Variants in STXBP5L observed in about 807,000 individuals in gnomAD.
STXBP5L encodes the protein syntaxin-binding protein 5-like.
Under a neutral mutation model 144.5 loss-of-function variants are expected in STXBP5L, and 65 were observed. The observed-to-expected ratio is 0.45, with a 90% CI of 0.37 to 0.55. The LOEUF (loss-of-function observed/expected upper bound fraction) is 0.55. Ranked by LOEUF, STXBP5L falls within the 20% of genes least tolerant of loss-of-function variation. The pLI is 0.00. For missense variants in STXBP5L, 1,298 were observed against 1,405.5 expected (o/e 0.92, Z 1.22); for synonymous variants, 505 against 469.6 (o/e 1.08, Z -0.97).
At chr3:120,940,607 G>A (rs932916032) in intron 2 of STXBP5L, among the ~76,000 whole-genome samples, 6 of 149,580 alleles carry the variant, frequency 4.0e-5, no homozygotes, top group Admixed American at 6.8e-5. Context: ...GTAAAATCAC[G>A]TAAGAAGATG....
In STXBP5L at chr3:121,001,894, C is replaced by A. The variant is rs138219271; in HGVS notation, c.288-39806C>A. 5.1e-3 allele frequency among the ~76,000 whole-genome samples: 778 copies of A among 152,306 alleles called. 3 individuals are homozygous for A. The highest frequency in any genetic ancestry group is 0.023 in the South Asian group (110 of 4,830). On this transcript the variant is annotated intron_variant, in intron 3 of 26. Transcript: ENST00000471454. ...TAGTCAGCCATCTTGGCTCTTTCCT[C>A]TTTTTCAAGGCCGAATAATATTCTA...
rs142197648 is a variant in STXBP5L, at chr3:121,333,716, C to T, written c.2176+15176C>T. Among the ~76,000 whole-genome samples the T allele has an allele frequency of 2.9e-4, 44 of 152,124 alleles. No individual in the cohort carries two copies. The East Asian group carries it at 8.3e-3, about 29-fold the overall frequency. ...GGTTACCACTGACCCCAAAGAAATACAAGTAACCAGCAGGGACTACTATAA... is the reference window on the plus strand; with the variant it reads ...GGTTACCACTGACCCCAAAGAAATATAAGTAACCAGCAGGGACTACTATAA... On this transcript the variant is annotated intron_variant, in intron 20 of 26. Coordinates refer to ENST00000471454, the MANE Select transcript of STXBP5L (RefSeq NM_001308330.2).
At chr3:121,224,207 A>G (rs1430428330) in intron 11 of STXBP5L, among the ~76,000 whole-genome samples, 1 of 152,166 alleles carries the variant, frequency 6.6e-6, no homozygotes, top group Admixed American at 6.6e-5. Context: ...GAGAATAGTA[A>G]TATGGTCTCC....
intron 19 of STXBP5L, among the ~76,000 whole-genome samples, chr3:121,280,559 C>G (rs1467221275): frequency 1.3e-5 from 2 of 151,690 alleles, no homozygotes; most frequent in Non-Finnish European, 3.0e-5. Context: ...AGAAAATAAA[C>G]TTAAGGTAAT....
intron 18 of STXBP5L, among the ~76,000 whole-genome samples, chr3:121,277,989 C>A (rs756626989): frequency 8.6e-5 from 13 of 151,910 alleles, no homozygotes; most frequent in Admixed American, 8.5e-4. Flanking sequence ...AGTACACAGC[C>A]GAAGTCTCAA....
intron 18 of STXBP5L, among the ~76,000 whole-genome samples, chr3:121,276,062 C>T (rs1159165345): frequency 6.6e-6 from 1 of 151,590 alleles, no homozygotes. Flanking sequence ...TCTTTGTCCC[C>T]CCACTCCCCC....
chr3:121,119,528 C>T (rs946657874), intron 6 of STXBP5L, among the ~76,000 whole-genome samples: 9 of 150,938 alleles, frequency 6.0e-5, no homozygotes, highest in South Asian at 2.1e-4. Context: ...ATAGGGATAC[C>T]GAGAAGAATT....
At chr3:121,372,730 C>T (rs572636506) in intron 20 of STXBP5L, among the ~76,000 whole-genome samples, 2 of 152,056 alleles carry the variant, frequency 1.3e-5, no homozygotes, top group South Asian at 2.1e-4. Flanking sequence ...CCAGTCTCCC[C>T]AGTATCCTGG....
At chr3:120,917,380 T>C (rs1387966344) in intron 2 of STXBP5L, among the ~76,000 whole-genome samples, 1 of 152,088 alleles carries the variant, frequency 6.6e-6, no homozygotes, top group Non-Finnish European at 1.5e-5. Flanking sequence ...ATTGACTTTA[T>C]AGAAAAGAAA....
At chr3:120,930,487 A>ATT (rs1232762521) in intron 2 of STXBP5L, among the ~76,000 whole-genome samples, 1 of 151,962 alleles carries the variant, frequency 6.6e-6, no homozygotes, top group South Asian at 2.1e-4. Context: ...GGCGCTTTAT[A>ATT]TTTTTTACTT....
chr3:121,318,335 A>G (rs1249397443), intron 19 of STXBP5L, 140 bp from the exon 20 acceptor site: 6 of 434,070 alleles, frequency 1.4e-5, no homozygotes, highest in Non-Finnish European at 2.5e-5. Context: ...TTTAAAATTC[A>G]GAATAATTGA....
At chr3:121,017,939 T>G (rs571552308) in intron 3 of STXBP5L, among the ~76,000 whole-genome samples, 1 of 152,136 alleles carries the variant, frequency 6.6e-6, no homozygotes, top group South Asian at 2.1e-4. Context: ...AATAGCCATG[T>G]GTTGTGGCAT....
intron 9 of STXBP5L, among the ~76,000 whole-genome samples, chr3:121,178,697 C>G (rs1441779362): frequency 6.6e-6 from 1 of 152,042 alleles, no homozygotes; most frequent in Non-Finnish European, 1.5e-5. Flanking sequence ...TTACCTGGAG[C>G]TGGAATGGAT....
intron 3 of STXBP5L, among the ~76,000 whole-genome samples, chr3:121,006,122 T>C (rs1225764604): frequency 1.3e-5 from 2 of 152,118 alleles, no homozygotes; most frequent in Admixed American, 6.5e-5. Flanking sequence ...ACTTTCTGTC[T>C]CGTTGTTCTG....
intron 20 of STXBP5L, among the ~76,000 whole-genome samples, chr3:121,366,483 G>A (rs1345621019): frequency 6.6e-6 from 1 of 151,680 alleles, no homozygotes; most frequent in Non-Finnish European, 1.5e-5. Context: ...CAGCTTTTTA[G>A]GAAATATAAT....
intron 8 of STXBP5L, among the ~76,000 whole-genome samples, chr3:121,153,306 A>T (rs561682767): frequency 1.3e-5 from 2 of 152,192 alleles, no homozygotes; most frequent in East Asian, 3.9e-4. Flanking sequence ...GGGGCAACAG[A>T]TTAAAAGGGA....
At chr3:121,304,484 A>G (rs1257094355) in intron 19 of STXBP5L, among the ~76,000 whole-genome samples, 2 of 152,186 alleles carry the variant, frequency 1.3e-5, no homozygotes, top group East Asian at 3.8e-4. Context: ...ACAAGTTATA[A>G]TAAATTACAA....
chr3:121,204,198 C>A (rs772495442), intron 9 of STXBP5L, among the ~76,000 whole-genome samples: 11 of 152,060 alleles, frequency 7.2e-5, no homozygotes, highest in Non-Finnish European at 1.2e-4. Flanking sequence ...AAGATCGCAC[C>A]ACTGCACTCC....
At chr3:120,998,017 C>G (rs749462981) in intron 3 of STXBP5L, among the ~76,000 whole-genome samples, 1 of 152,126 alleles carries the variant, frequency 6.6e-6, no homozygotes, top group African/African-American at 2.4e-5. Context: ...ATAAAGCTTT[C>G]TATACAATTC....
Sources: gnomAD v4.1 joint callset for allele counts (sites outside exome capture counted in the v4.1 genomes callset) on GRCh38, gnomAD v4.1.1 for gene constraint, MANE v1.5 for transcripts, NCBI Gene and HGNC (gene_info 2026-07-23, HGNC 2026-07-21) for gene names.